The following NUP88 variants were observed in gnomAD, a reference collection of about 807,000 sequenced individuals.
The protein encoded by NUP88 is nucleoporin 88, also known as nuclear pore complex protein Nup88.
Under a neutral mutation model 93.9 loss-of-function variants are expected in NUP88, and 57 were observed. The observed-to-expected ratio is 0.61, with a 90% CI of 0.49 to 0.76. The LOEUF is 0.76. Among genes scored for constraint, NUP88 ranks in the 30% least tolerant of loss-of-function variants. The pLI is 0.00. For missense variants in NUP88, 911 were observed against 901.0 expected, an observed-to-expected ratio of 1.01 and a Z score of -0.14; for synonymous variants, 346 against 336.8, an observed-to-expected ratio of 1.03 and a Z score of -0.30.
At position 5,395,604 on chromosome 17, in the gene NUP88, A is replaced by G. The variant is rs140574150; in HGVS notation, c.1292-623T>C. On this transcript the variant is annotated intron_variant, in intron 8 of 16. Transcript: ENST00000573584. ...AGCGCAGTGGCCCAATCTCTGCTCA[A>G]TGCAACCTCCGGCTTCTGGGTTTAA... is the stretch of plus-strand genomic sequence containing the variant. Among the ~76,000 whole-genome samples the G allele has an allele frequency of 3.8e-4, 58 of 152,006 alleles. No homozygotes were observed. The East Asian group carries it at 9.0e-3, about 23-fold the overall frequency.
intron 7 of NUP88, among the ~76,000 whole-genome samples, chr17:5,402,104 C>G (rs570353029): frequency 6.6e-6 from 1 of 151,982 alleles, no homozygotes; most frequent in Non-Finnish European, 1.5e-5. Context: ...ATAAGGAGTT[C>G]GAGACCAGCC....
intron 10 of NUP88, among the ~76,000 whole-genome samples, chr17:5,389,175 C>T (rs914725434): frequency 6.6e-6 from 1 of 152,230 alleles, no homozygotes; most frequent in Admixed American, 6.5e-5. Flanking sequence ...GCATTTCTGA[C>T]TGCCATTTCC....
At chr17:5,392,540 G>A (rs943941952) in intron 9 of NUP88, among the ~76,000 whole-genome samples, 2 of 151,024 alleles carry the variant, frequency 1.3e-5, no homozygotes, top group African/African-American at 4.9e-5. Flanking sequence ...TATTATCAGT[G>A]TGAAATCTAC....
At chr17:5,398,705 C>T (rs974938075) in intron 8 of NUP88, among the ~76,000 whole-genome samples, 3 of 152,016 alleles carry the variant, frequency 2.0e-5, no homozygotes, top group African/African-American at 7.2e-5. Flanking sequence ...TCTCCTACCT[C>T]AGCCTTCCGA....
At chr17:5,415,609 A>G (rs1914090955) in intron 2 of NUP88, among the ~76,000 whole-genome samples, 1 of 152,206 alleles carries the variant, frequency 6.6e-6, no homozygotes, top group Non-Finnish European at 1.5e-5. Context: ...TTACCAGTAC[A>G]TAAGCCAACA....
intron 2 of NUP88, among the ~76,000 whole-genome samples, chr17:5,415,026 GTTTA>G (rs923164322): frequency 1.3e-5 from 2 of 150,164 alleles, no homozygotes; most frequent in African/African-American, 2.4e-5. Flanking sequence ...AATTTTATTT[GTTTA>G]TTTATTTGAG....
rs61756117 is a variant in NUP88, at chr17:5,387,094, G to A, written c.1933C>T (p.His645Tyr). Residue 645 changes from histidine (H) to tyrosine (Y), a missense_variant, in exon 15 of 17, where the codon CAC (histidine) becomes TAC (tyrosine). Transcript: ENST00000573584. ...ACTGGGAGCTCAGAGTGAAAACTGT[G>A]AAGTAGTTTTTTCATCCTTTAGAAA... ...DIMNRMKKLL[H>Y]SFHSELPVLS... The A allele has an allele frequency of 6.6e-4, 1,073 of 1,613,584 alleles. 24 individuals carry two copies. The South Asian group carries it at 9.8e-3, about 15-fold the overall frequency.
intron 7 of NUP88, among the ~76,000 whole-genome samples, chr17:5,402,202 G>A (rs2151641220): frequency 6.6e-6 from 1 of 152,278 alleles, no homozygotes; most frequent in Non-Finnish European, 1.5e-5. Flanking sequence ...AGCTATTTGG[G>A]AGGCTGAGGC....
intron 5 of NUP88, among the ~76,000 whole-genome samples, chr17:5,407,199 G>A (rs1266610636): frequency 2.6e-5 from 4 of 152,116 alleles, no homozygotes; most frequent in Admixed American, 6.6e-5. Flanking sequence ...ATGGTTTTGC[G>A]TACTCTCTTC....
intron 8 of NUP88, among the ~76,000 whole-genome samples, chr17:5,398,818 CTT>C (rs1419183729): frequency 2.7e-5 from 4 of 149,428 alleles, no homozygotes; most frequent in Admixed American, 2.0e-4. Flanking sequence ...GTCTCAATCT[CTT>C]GACCTCATGA....
At chr17:5,414,504 T>C (rs562180821) in intron 2 of NUP88, among the ~76,000 whole-genome samples, 19 of 152,206 alleles carry the variant, frequency 1.2e-4, no homozygotes, top group Admixed American at 7.2e-4. Context: ...CCTGAAGAAA[T>C]TTCTATTTTA....
Position 5,385,715 on chromosome 17 carries a change from G to T in NUP88, c.*491C>A. 1 of 230,980 alleles carries T rather than the reference G, an allele frequency of 4.3e-6. No homozygotes were observed. The highest frequency in any genetic ancestry group is 8.6e-6 in the Non-Finnish European group (1 of 116,812). The allele number at this position is 230,980 out of a possible 1,614,324, so 14.3% of individuals were successfully genotyped here. A position where few individuals can be genotyped will look rare whatever the true frequency, so the allele number is the denominator to read the frequency against. The stretch of plus-strand genomic sequence containing the variant: ...TTTGCAATTGTGGATCTTGAGCTCT[G>T]CTCTCAGCAGATTTCAGGTGTAACC... On this transcript the variant is annotated 3_prime_UTR_variant, in exon 17 of 17. Transcript: ENST00000573584.
intron 5 of NUP88, among the ~76,000 whole-genome samples, chr17:5,407,034 G>C (rs1053752440): frequency 3.3e-5 from 5 of 152,166 alleles, no homozygotes; most frequent in Non-Finnish European, 5.9e-5. Context: ...TCAGCAGCAA[G>C]AGGAGAAAGG....
chr17:5,405,011 A>G (rs939944932), intron 6 of NUP88, 46 bp downstream of exon 6: 1 of 1,530,908 alleles, frequency 6.5e-7, no homozygotes, highest in Non-Finnish European at 9.0e-7. Context: ...GTCAGGAACT[A>G]TGCCAGGTGT....
chr17:5,398,291 T>TTTTG (rs757913095), intron 8 of NUP88, among the ~76,000 whole-genome samples: 1 of 151,752 alleles, frequency 6.6e-6, no homozygotes, highest in Non-Finnish European at 1.5e-5. Context: ...TTGTGTCAGT[T>TTTTG]TTTGTTTGTT....
At chr17:5,416,178 T>TATATATATATATATATATAC in intron 2 of NUP88, among the ~76,000 whole-genome samples, 1 of 73,616 alleles carries the variant, frequency 1.4e-5, no homozygotes, top group Non-Finnish European at 2.4e-5. Flanking sequence ...TATATATATA[T>TATATATATATATATATATAC]ATACACACAT....
intron 10 of NUP88, among the ~76,000 whole-genome samples, chr17:5,389,775 CAAA>C (rs58723410): frequency 1.3e-5 from 1 of 76,588 alleles, no homozygotes; most frequent in African/African-American, 4.8e-5. Context: ...GACTCTGTCT[CAAA>C]AAAAAAAAAA....
rs753601521 is a variant in NUP88, at chr17:5,405,195, C to T, written c.906G>A (p.Ala302=). The T allele has an allele frequency of 6.9e-5, 111 of 1,613,968 alleles. No homozygotes were observed. Among genetic ancestry groups the T allele is most frequent in the Admixed American group, 6.0e-4 (36 of 59,990 alleles). The change falls in exon 6 of 17, where the codon GCG becomes GCA. Residue 302 remains alanine, a synonymous_variant. Transcript: ENST00000573584. The stretch of plus-strand genomic sequence containing the variant: ...CATCATAACCATAGTTATCTTCAGC[C>T]GCAGGATGCATGGGCAATGGACCCA... ...KLLGPLPMHP[A]AEDNYGYDAC...
rs752669232 is a variant in NUP88 at position 5,419,516 on chromosome 17, CGAAGAAGCTGGT to C, written c.123_134del (p.Pro42_Ser45del). The C allele has an allele frequency of 6.2e-7, 1 of 1,613,964 alleles. No individual in the cohort carries two copies. Among genetic ancestry groups the C allele is most frequent in the Non-Finnish European group, 8.5e-7 (1 of 1,179,908 alleles). On this transcript the variant is annotated inframe_deletion, in exon 1 of 17. Coordinates refer to ENST00000573584, the MANE Select transcript of NUP88 (RefSeq NM_002532.6). ...GCGGCGGCGGCGACGAAGGCAACGA[CGAAGAAGCTGGT>C]TTCTCAGCTTCGGTTGGACTCTGGT... is the stretch of plus-strand genomic sequence containing the variant.
Sources: allele counts gnomAD v4.1 joint callset (sites outside exome capture counted in the v4.1 genomes callset), GRCh38; gene constraint gnomAD v4.1.1; transcripts MANE v1.5; gene names NCBI Gene and HGNC (gene_info 2026-07-23, HGNC 2026-07-21).